Variants in ERC2 observed in about 807,000 individuals in gnomAD.
ERC2 encodes ELKS/RAB6-interacting/CAST family member 2.
ERC2 carries 42 observed loss-of-function variants against 114.8 expected under a neutral mutation model. The ratio of observed to expected loss-of-function variants is 0.37; its 90% confidence interval spans 0.29 to 0.47. The LOEUF (loss-of-function observed/expected upper bound fraction) is 0.47. Among genes scored for constraint, ERC2 ranks in the 20% least tolerant of loss-of-function variants. ERC2 has a pLI of 0.99. For missense variants in ERC2, 939 were observed against 1,150.7 expected (o/e 0.82, Z 2.66); for synonymous variants, 454 against 425.5 (o/e 1.07, Z -0.82).
chr3:56,446,089 A>G (rs889401576), intron 1 of ERC2, among the ~76,000 whole-genome samples: 1 of 152,192 alleles, frequency 6.6e-6, no homozygotes, highest in Non-Finnish European at 1.5e-5. Context: ...GTCCCTCCTC[A>G]GATCCCTGGT....
intron 17 of ERC2, among the ~76,000 whole-genome samples, chr3:55,531,824 C>T (rs1444736361): frequency 6.6e-6 from 1 of 152,212 alleles, no homozygotes; most frequent in Non-Finnish European, 1.5e-5. Flanking sequence ...CTCCTCTTCT[C>T]TCCTTCCCAC....
At chr3:55,636,442 C>G (rs2059960801) in intron 17 of ERC2, among the ~76,000 whole-genome samples, 1 of 152,202 alleles carries the variant, frequency 6.6e-6, no homozygotes. Flanking sequence ...TCGCCTCACA[C>G]AGCTGTTATA....
chr3:55,838,160 A>G (rs912686146), intron 14 of ERC2, among the ~76,000 whole-genome samples: 3 of 151,948 alleles, frequency 2.0e-5, no homozygotes, highest in Non-Finnish European at 4.4e-5. Flanking sequence ...ATAAGTAGAA[A>G]GAAAATCAAC....
At chr3:56,234,277 T>C (rs779043122) in intron 3 of ERC2, among the ~76,000 whole-genome samples, 10 of 152,298 alleles carry the variant, frequency 6.6e-5, no homozygotes, top group Non-Finnish European at 8.8e-5. Flanking sequence ...CTCAGATGAT[T>C]CACTCAATCC....
At chr3:55,878,382 T>C (rs2062964327) in intron 14 of ERC2, among the ~76,000 whole-genome samples, 1 of 152,112 alleles carries the variant, frequency 6.6e-6, no homozygotes, top group African/African-American at 2.4e-5. Flanking sequence ...CTCCAACTAG[T>C]TCTCCTCAGG....
At chr3:56,320,511 C>T (rs1167118660) in intron 2 of ERC2, among the ~76,000 whole-genome samples, 4 of 152,176 alleles carry the variant, frequency 2.6e-5, no homozygotes, top group Non-Finnish European at 5.9e-5. Flanking sequence ...CTGTAGAAAA[C>T]ATGCTGATAA....
intron 17 of ERC2, among the ~76,000 whole-genome samples, chr3:55,532,589 C>T (rs2053739605): frequency 6.6e-6 from 1 of 152,178 alleles, no homozygotes; most frequent in Non-Finnish European, 1.5e-5. Flanking sequence ...CCCCAAGTCC[C>T]TTTTCAATAC....
intron 15 of ERC2, among the ~76,000 whole-genome samples, chr3:55,729,862 A>AAAAAAAAAAAAAAG (rs2065146213): frequency 6.8e-6 from 1 of 146,278 alleles, no homozygotes. Flanking sequence ...AAAAAAAAAA[A>AAAAAAAAAAAAAAG]AAATTGTAAG....
At chr3:55,825,597 T>C (rs929056897) in intron 14 of ERC2, among the ~76,000 whole-genome samples, 6 of 152,220 alleles carry the variant, frequency 3.9e-5, no homozygotes, top group Admixed American at 6.5e-5. Context: ...TGGCTGTTTT[T>C]TTCAATGGAC....
At chr3:55,958,024 G>A (rs1359110641) in intron 12 of ERC2, among the ~76,000 whole-genome samples, 4 of 152,192 alleles carry the variant, frequency 2.6e-5, no homozygotes, top group Non-Finnish European at 5.9e-5. Context: ...ACCATTCAGT[G>A]GGTCGTAAGT....
intron 13 of ERC2, among the ~76,000 whole-genome samples, chr3:55,928,200 G>T (rs908126731): frequency 6.6e-6 from 1 of 152,100 alleles, no homozygotes; most frequent in Non-Finnish European, 1.5e-5. Flanking sequence ...CTCCATAGTG[G>T]TTGTACATAG....
At position 55,950,408 on chromosome 3, in the gene ERC2, G is replaced by C. The variant is rs774234668; in HGVS notation, c.2403+17C>G. On this transcript the variant is annotated intron_variant, in intron 13 of 17. Transcript: ENST00000288221. ...TCTCTAGTTATTTAGCGATTAAGAA[G>C]AGAAGCCTGTGCTTACCTGCAAATG... 8 of 1,613,404 alleles carry C rather than the reference G, an allele frequency of 5.0e-6. No homozygotes were observed. In the Admixed American group the frequency reaches 1.3e-4, roughly 27 times the overall value.
chr3:56,189,775 T>C (rs1266448511), intron 3 of ERC2, among the ~76,000 whole-genome samples: 1 of 152,188 alleles, frequency 6.6e-6, no homozygotes, highest in Non-Finnish European at 1.5e-5. Context: ...GGGTATCAGA[T>C]GGTGAACACA....
At chr3:56,277,070 C>T (rs905981995) in intron 3 of ERC2, among the ~76,000 whole-genome samples, 10 of 152,202 alleles carry the variant, frequency 6.6e-5, no homozygotes, top group African/African-American at 2.4e-4. Flanking sequence ...GAGTCTCTAT[C>T]ATCTCAGTGT....
At chr3:55,576,266 G>A (rs1395315226) in intron 17 of ERC2, among the ~76,000 whole-genome samples, 6 of 150,606 alleles carry the variant, frequency 4.0e-5, no homozygotes, top group Admixed American at 3.3e-4. Flanking sequence ...CTGAGATCAC[G>A]CCATTGCACT....
At chr3:55,874,768 C>A (rs1405932385) in intron 14 of ERC2, among the ~76,000 whole-genome samples, 1 of 152,028 alleles carries the variant, frequency 6.6e-6, no homozygotes, top group African/African-American at 2.4e-5. Context: ...CTTGAGGCAT[C>A]CAGACGCTAG....
intron 3 of ERC2, among the ~76,000 whole-genome samples, chr3:56,193,530 T>A (rs563836798): frequency 2.0e-4 from 31 of 152,232 alleles, no homozygotes; most frequent in African/African-American, 7.5e-4. Context: ...ATCAAAATGT[T>A]ACCAGAAATT....
chr3:55,796,137 T>C (rs2149087998), intron 14 of ERC2, among the ~76,000 whole-genome samples: 1 of 152,354 alleles, frequency 6.6e-6, no homozygotes, highest in Admixed American at 6.5e-5. Flanking sequence ...ATTTAAATTA[T>C]ACCGGCAAGG....
chr3:56,117,722 C>T (rs562902685), intron 6 of ERC2, among the ~76,000 whole-genome samples: 1 of 152,298 alleles, frequency 6.6e-6, no homozygotes, highest in South Asian at 2.1e-4. Context: ...ATCATAGCTA[C>T]AGCTCACTAA....
Sources: gnomAD v4.1 joint callset for allele counts (sites outside exome capture counted in the v4.1 genomes callset) on GRCh38, gnomAD v4.1.1 for gene constraint, MANE v1.5 for transcripts, NCBI Gene and HGNC (gene_info 2026-07-23, HGNC 2026-07-21) for gene names.